THSD4: variants seen among roughly 807,000 people sequenced by gnomAD.
THSD4 encodes the protein thrombospondin type-1 domain-containing protein 4.
Under a neutral mutation model 119.0 loss-of-function variants are expected in THSD4, and 69 were observed. The observed-to-expected ratio is 0.58, with a 90% CI of 0.48 to 0.71. The LOEUF is 0.71. THSD4 is among the 30% of genes least tolerant of loss of function. The pLI is 0.00. For synonymous variants in THSD4, 524 were observed against 540.4 expected, an observed-to-expected ratio of 0.97 and a Z score of 0.42; for missense variants, 1,393 against 1,391.1, an observed-to-expected ratio of 1.00 and a Z score of -0.02.
In THSD4 at chr15:71,143,239, A is replaced by T. The variant is rs146516411; in HGVS notation, c.29+1683A>T. 4.3e-4 allele frequency among the ~76,000 whole-genome samples: 66 copies of T among 152,324 alleles called. No homozygotes were observed. In the East Asian group the frequency reaches 0.011, roughly 25 times the overall value. ...CGTTTGGTGATCTCTTCAGGATAGA[A>T]GTTGGCATCTAGTACAAATTAGCAT... On this transcript the variant is annotated intron_variant, in intron 2 of 17. Coordinates refer to ENST00000261862, the MANE Select transcript of THSD4 (RefSeq NM_024817.3).
At chr15:71,551,419 A>G (rs62022762) in intron 7 of THSD4, among the ~76,000 whole-genome samples, 9,399 of 152,280 alleles carry the variant, frequency 0.062, 416 homozygotes, top group Non-Finnish European at 0.093. Flanking sequence ...CTAAGAAAGC[A>G]AAGAAAGATT....
intron 6 of THSD4, among the ~76,000 whole-genome samples, chr15:71,328,874 C>A (rs574456306): frequency 2.8e-4 from 42 of 152,318 alleles, no homozygotes; most frequent in African/African-American, 9.4e-4. Context: ...AAAAGCAAGA[C>A]CAAGCTTTGC....
chr15:71,246,248 G>T (rs910805457), intron 5 of THSD4, among the ~76,000 whole-genome samples: 1 of 152,102 alleles, frequency 6.6e-6, no homozygotes, highest in Non-Finnish European at 1.5e-5. Flanking sequence ...TGGAAGGCAT[G>T]GTGCTGACAC....
At chr15:71,656,531 A>G (rs1292833114) in intron 7 of THSD4, among the ~76,000 whole-genome samples, 1 of 152,218 alleles carries the variant, frequency 6.6e-6, no homozygotes, top group Non-Finnish European at 1.5e-5. Context: ...AGAAAGCCAG[A>G]GTCACTTCTA....
chr15:71,402,810 C>T (rs1303116504), intron 6 of THSD4, among the ~76,000 whole-genome samples: 1 of 152,164 alleles, frequency 6.6e-6, no homozygotes, highest in African/African-American at 2.4e-5. Flanking sequence ...TATCTGGGCA[C>T]CATAGTGAAG....
chr15:71,583,127 A>G (rs1474403447), intron 7 of THSD4, among the ~76,000 whole-genome samples: 1 of 152,048 alleles, frequency 6.6e-6, no homozygotes, highest in Non-Finnish European at 1.5e-5. Flanking sequence ...CAGATTTGCT[A>G]TTTCTTTATG....
At chr15:71,306,540 A>C (rs1331978855) in intron 6 of THSD4, among the ~76,000 whole-genome samples, 2 of 152,134 alleles carry the variant, frequency 1.3e-5, no homozygotes, top group Non-Finnish European at 2.9e-5. Context: ...CACCAATGAA[A>C]AAAGGGTTTG....
intron 6 of THSD4, among the ~76,000 whole-genome samples, chr15:71,359,993 A>G (rs1327678478): frequency 1.3e-5 from 2 of 152,212 alleles, no homozygotes; most frequent in Non-Finnish European, 2.9e-5. Flanking sequence ...AGTAGCTTAA[A>G]GAACAGTTTA....
At chr15:71,626,933 A>G (rs2050520998) in intron 7 of THSD4, among the ~76,000 whole-genome samples, 2 of 152,212 alleles carry the variant, frequency 1.3e-5, no homozygotes, top group South Asian at 2.1e-4. Flanking sequence ...TGCTCCTTGA[A>G]TGTTTGATAG....
intron 11 of THSD4, among the ~76,000 whole-genome samples, chr15:71,744,773 G>C (rs1420137356): frequency 6.6e-6 from 1 of 152,218 alleles, no homozygotes; most frequent in East Asian, 1.9e-4. Flanking sequence ...TCATTCCCCT[G>C]CCTAGGGAAT....
In THSD4 at chr15:71,183,469, A is replaced by G. The variant is rs981802347; in HGVS notation, c.99+28537A>G. Reference sequence around the variant, plus strand: ...GACCTTGGGCAAGGTCCAGTGCCTCAGTTTCCTCATCTGTAAAATGAGGGT... The same window carrying G: ...GACCTTGGGCAAGGTCCAGTGCCTCGGTTTCCTCATCTGTAAAATGAGGGT... On this transcript the variant is annotated intron_variant, in intron 3 of 17. Coordinates refer to ENST00000261862, the MANE Select transcript of THSD4 (RefSeq NM_024817.3). Among the ~76,000 whole-genome samples the G allele has an allele frequency of 2.6e-5, 4 of 151,650 alleles. No individual in the cohort carries two copies. The South Asian group carries it at 6.4e-4, about 24-fold the overall frequency.
chr15:71,554,227 C>G (rs1363062058), intron 7 of THSD4, among the ~76,000 whole-genome samples: 7 of 150,964 alleles, frequency 4.6e-5, no homozygotes, highest in Non-Finnish European at 7.4e-5. Flanking sequence ...GTAGCTGGGA[C>G]TACAGGTGCC....
At chr15:71,575,888 C>A (rs1463673211) in intron 7 of THSD4, among the ~76,000 whole-genome samples, 1 of 152,314 alleles carries the variant, frequency 6.6e-6, no homozygotes, top group Non-Finnish European at 1.5e-5. Context: ...AAGATACTTA[C>A]AATCTAGGTC....
At chr15:71,444,581 G>A (rs929863632) in intron 7 of THSD4, among the ~76,000 whole-genome samples, 5 of 152,190 alleles carry the variant, frequency 3.3e-5, no homozygotes, top group South Asian at 2.1e-4. Context: ...CACGCTGCAC[G>A]TGACTAAACC....
rs1166881899 is a variant in THSD4, at chr15:71,561,897, CACACACACACACACACACACACAA to C, written c.1153-98628_1153-98605del. Among the ~76,000 whole-genome samples the C allele has an allele frequency of 5.0e-3, 445 of 89,584 alleles. 7 individuals are homozygous for C. The highest frequency in any genetic ancestry group is 8.1e-3 in the African/African-American group (180 of 22,308). The allele number at this position is 89,584 out of a possible 152,430, so 58.8% of individuals were successfully genotyped here. A position where few individuals can be genotyped will look rare whatever the true frequency, so the allele number is the denominator to read the frequency against. On this transcript the variant is annotated intron_variant, in intron 7 of 17. Transcript: ENST00000261862. ...ACACACACACACACACACACACACA[CACACACACACACACACACACACAA>C]ACACTCACTCACTCTCTCTCTTCTC...
intron 8 of THSD4, among the ~76,000 whole-genome samples, chr15:71,678,276 C>A (rs527636580): frequency 6.6e-6 from 1 of 152,176 alleles, no homozygotes; most frequent in African/African-American, 2.4e-5. Flanking sequence ...GTTTAAACAA[C>A]GTTTAATAAA....
chr15:71,731,494 C>A, intron 10 of THSD4: 1 of 407,370 alleles, frequency 2.5e-6, no homozygotes, highest in East Asian at 4.8e-5. Flanking sequence ...ATACTAGTTT[C>A]CAGGCCAGAC....
intron 10 of THSD4, 63 bp from the exon 11 acceptor site, chr15:71,737,669 C>T: frequency 6.6e-7 from 1 of 1,508,046 alleles, no homozygotes; most frequent in Non-Finnish European, 8.9e-7. Flanking sequence ...GAAGCAATTT[C>T]CTCTTTACAA....
intron 6 of THSD4, among the ~76,000 whole-genome samples, chr15:71,318,588 AGTT>A (rs888256322): frequency 5.9e-5 from 9 of 152,144 alleles, no homozygotes; most frequent in Admixed American, 5.2e-4. Context: ...ATGGTTCAAG[AGTT>A]GTTAAGGTGA....
Sources: allele counts gnomAD v4.1 joint callset (sites outside exome capture counted in the v4.1 genomes callset), GRCh38; gene constraint gnomAD v4.1.1; transcripts MANE v1.5; gene names NCBI Gene and HGNC (gene_info 2026-07-23, HGNC 2026-07-21).